The following MSRB3 variants were observed in gnomAD, a reference collection of about 807,000 sequenced individuals.
MSRB3 encodes the protein methionine sulfoxide reductase B3, also known as methionine-R-sulfoxide reductase B3.
A neutral mutation model predicts 21.0 loss-of-function variants in MSRB3; 13 were observed. The observed-to-expected ratio is 0.62, with a 90% CI of 0.40 to 0.98. The LOEUF is 0.98. MSRB3 is among the 50% of genes least tolerant of loss of function. The probability of loss-of-function intolerance (pLI) is 0.00; values close to 1 mark genes in which losing one functional copy is unlikely to be tolerated. For synonymous variants in MSRB3, 87 were observed against 88.6 expected, an observed-to-expected ratio of 0.98 and a Z score of 0.10; for missense variants, 199 against 230.3, an observed-to-expected ratio of 0.86 and a Z score of 0.88.
intron 1 of MSRB3, among the ~76,000 whole-genome samples, chr12:65,297,365 C>G (rs889340405): frequency 6.6e-6 from 1 of 151,852 alleles, no homozygotes; most frequent in African/African-American, 2.4e-5. Context: ...GCACATGTGC[C>G]CCGGAACTTA....
At chr12:65,420,121 A>T in intron 5 of MSRB3, 1 of 397,040 alleles carries the variant, frequency 2.5e-6, no homozygotes, top group South Asian at 2.2e-5. Context: ...TATTCTTCTG[A>T]ATGTGGATAT....
Position 65,446,348 on chromosome 12 carries a change from G to A in MSRB3, c.293-7380G>A, listed in dbSNP as rs188741679. ...ATCTCATACAGCTAACCCATAATCC[G>A]TTTTTAGCCACAGAGTTAAATCTGA... On this transcript the variant is annotated intron_variant, in intron 5 of 6. Transcript: ENST00000308259. Among the ~76,000 whole-genome samples the A allele has an allele frequency of 1.3e-3, 204 of 152,198 alleles. 2 individuals carry two copies. The highest frequency in any genetic ancestry group is 3.8e-3 in the Admixed American group (58 of 15,290).
intron 5 of MSRB3, among the ~76,000 whole-genome samples, chr12:65,399,858 A>G (rs566309753): frequency 5.9e-5 from 9 of 152,314 alleles, no homozygotes; most frequent in African/African-American, 2.2e-4. Flanking sequence ...TATTGAGATA[A>G]TCATGTGTTT....
chr12:65,377,395 C>T (rs1878686104), intron 5 of MSRB3, among the ~76,000 whole-genome samples: 1 of 152,168 alleles, frequency 6.6e-6, no homozygotes, highest in African/African-American at 2.4e-5. Context: ...CCTCAGCCTC[C>T]CCAATAGCTG....
chr12:65,435,179 A>G (rs1882060248), intron 5 of MSRB3, among the ~76,000 whole-genome samples: 1 of 151,938 alleles, frequency 6.6e-6, no homozygotes, highest in South Asian at 2.1e-4. Flanking sequence ...CTGATTTGTA[A>G]TTTGAAGCCC....
intron 4 of MSRB3, among the ~76,000 whole-genome samples, chr12:65,348,155 A>G (rs1876658451): frequency 1.3e-5 from 2 of 152,188 alleles, no homozygotes; most frequent in South Asian, 2.1e-4. Flanking sequence ...GTTTCAGAAG[A>G]AATGGTACCA....
At chr12:65,280,023 G>A (rs1030042658) in intron 1 of MSRB3, among the ~76,000 whole-genome samples, 9 of 152,086 alleles carry the variant, frequency 5.9e-5, no homozygotes, top group African/African-American at 2.2e-4. Context: ...ACTCTATGAA[G>A]CATAGATTAT....
In MSRB3 at chr12:65,437,317, C is replaced by T. The variant is rs139725023; in HGVS notation, c.293-16411C>T. Among the ~76,000 whole-genome samples, 457 of 151,884 alleles carry T rather than the reference C, an allele frequency of 3.0e-3. 4 individuals carry two copies. Among genetic ancestry groups the T allele is most frequent in the Middle Eastern group, 3.4e-3 (1 of 294 alleles). ...TAAGTGTACTCAGCCTTCTTGCTCC[C>T]GGAGACTAAGAAGCGGCTAAACATC... On this transcript the variant is annotated intron_variant, in intron 5 of 6. Coordinates refer to ENST00000308259, the MANE Select transcript of MSRB3 (RefSeq NM_001031679.3).
chr12:65,311,773 A>C (rs139780568), intron 2 of MSRB3, among the ~76,000 whole-genome samples: 52 of 152,204 alleles, frequency 3.4e-4, no homozygotes, highest in African/African-American at 1.2e-3. Flanking sequence ...GTATTATTCA[A>C]TATGAAATAA....
At chr12:65,450,611 G>A (rs1206739047) in intron 5 of MSRB3, among the ~76,000 whole-genome samples, 1 of 152,154 alleles carries the variant, frequency 6.6e-6, no homozygotes, top group Non-Finnish European at 1.5e-5. Flanking sequence ...AACAAATAAT[G>A]TTTTGTTAGA....
At chr12:65,286,563 C>T (rs574048956) in intron 1 of MSRB3, 3 of 152,032 alleles carry the variant, frequency 2.0e-5, no homozygotes, top group East Asian at 1.9e-4. Flanking sequence ...CTGTTATAGC[C>T]GTGACATGTC....
chr12:65,386,240 C>A (rs1265549700), intron 5 of MSRB3, among the ~76,000 whole-genome samples: 1 of 151,826 alleles, frequency 6.6e-6, no homozygotes, highest in Non-Finnish European at 1.5e-5. Context: ...AGAAATGGTT[C>A]TAGATAGCAA....
intron 6 of MSRB3, among the ~76,000 whole-genome samples, chr12:65,461,428 T>C (rs1162803259): frequency 1.3e-5 from 2 of 152,220 alleles, no homozygotes; most frequent in Non-Finnish European, 2.9e-5. Flanking sequence ...TTTAGGCCTG[T>C]TTCATATTTT....
intron 5 of MSRB3, among the ~76,000 whole-genome samples, chr12:65,399,201 C>T (rs528420227): frequency 6.4e-4 from 98 of 152,180 alleles, no homozygotes; most frequent in African/African-American, 2.1e-3. Flanking sequence ...TTGAGCCGTA[C>T]GGCCATTTTC....
chr12:65,435,634 G>T (rs934975796), intron 5 of MSRB3, among the ~76,000 whole-genome samples: 3 of 151,830 alleles, frequency 2.0e-5, no homozygotes, highest in Non-Finnish European at 4.4e-5. Flanking sequence ...CCAGATTCAG[G>T]TTATATTTTC....
chr12:65,406,100 C>T (rs1880399221), intron 5 of MSRB3, among the ~76,000 whole-genome samples: 1 of 151,860 alleles, frequency 6.6e-6, no homozygotes, highest in Admixed American at 6.6e-5. Flanking sequence ...GTTTATTTTT[C>T]TTTTGTTGCC....
chr12:65,278,721 A>AG lies in MSRB3; in HGVS notation c.-193dup. 1 of 1,503,504 alleles carries AG rather than the reference A, an allele frequency of 6.7e-7. No homozygotes were observed. Among genetic ancestry groups the AG allele is most frequent in the Non-Finnish European group, 9.1e-7 (1 of 1,104,386 alleles). 93.1% of individuals were successfully genotyped at this position (1,503,504 alleles called of 1,614,324 possible). A position where few individuals can be genotyped will look rare whatever the true frequency, so the allele number is the denominator to read the frequency against. ...CCCCGTCCGTCGCCCGGAGCCGGGGAGGGAGGGAGCGAGGTTCGGACACCG... is the reference window on the plus strand; with the variant it reads ...CCCCGTCCGTCGCCCGGAGCCGGGGAGGGGAGGGAGCGAGGTTCGGACACCG... On this transcript the variant is annotated 5_prime_UTR_variant, in exon 1 of 7. It removes the in-frame stop codon of an upstream open reading frame in the 5' UTR. Transcript: ENST00000308259.
intron 5 of MSRB3, among the ~76,000 whole-genome samples, chr12:65,439,908 T>G (rs1882292338): frequency 6.6e-6 from 1 of 151,668 alleles, no homozygotes. Flanking sequence ...ATTTATGATA[T>G]TTACAAAAAA....
chr12:65,398,721 A>G (rs999661461), intron 5 of MSRB3, among the ~76,000 whole-genome samples: 2 of 152,050 alleles, frequency 1.3e-5, no homozygotes, highest in Admixed American at 1.3e-4. Context: ...ATTTCCTTCT[A>G]GTGTTTTTAT....
Sources: gnomAD v4.1 joint callset for allele counts (sites outside exome capture counted in the v4.1 genomes callset) on GRCh38, gnomAD v4.1.1 for gene constraint, MANE v1.5 for transcripts, NCBI Gene and HGNC (gene_info 2026-07-23, HGNC 2026-07-21) for gene names.